The following TBCD variants were observed in gnomAD, a reference collection of about 807,000 sequenced individuals.
TBCD encodes the protein tubulin-specific chaperone D.
In TBCD, 105 loss-of-function variants were observed where a neutral mutation model predicts 169.3. The ratio of observed to expected loss-of-function variants is 0.62; its 90% CI spans 0.53 to 0.73. The LOEUF is 0.73. TBCD is among the 30% of genes least tolerant of loss of function. The pLI, the probability that TBCD is intolerant of heterozygous loss-of-function variation, is 0.00. For synonymous variants in TBCD, 700 were observed against 643.9 expected, an observed-to-expected ratio of 1.09 and a Z score of -1.32; for missense variants, 1,444 against 1,600.1, an observed-to-expected ratio of 0.90 and a Z score of 1.66.
intron 11 of TBCD, among the ~76,000 whole-genome samples, chr17:82,808,617 G>C (rs1327520618): frequency 1.4e-5 from 2 of 142,852 alleles, no homozygotes; most frequent in African/African-American, 2.6e-5. Context: ...GCTGGCAGGT[G>C]CTGGGGGGCA....
At position 82,800,916 on chromosome 17, in the gene TBCD, G is replaced by C. The variant is rs1293251631; in HGVS notation, c.870G>C (p.Gln290His). 8 of 1,612,474 alleles carry C rather than the reference G, an allele frequency of 5.0e-6. No individual in the cohort carries two copies. The highest frequency in any genetic ancestry group is 6.8e-6 in the Non-Finnish European group (8 of 1,179,514). Residue 290 changes from glutamine (Q) to histidine (H), a missense_variant, in exon 9 of 39, where the codon CAG (glutamine) becomes CAC (histidine). By Grantham distance (24) the Gln-to-His change is conservative. Coordinates refer to ENST00000355528, the MANE Select transcript of TBCD (RefSeq NM_005993.5). ...LDGCRLPESN[Q>H]TLLRKLGVKL... ...GCTGCAGACTCCCTGAGAGCAACCA[G>C]ACCCTGCTGCGGAAGCTGGGGGTGA...
chr17:82,859,578 G>A (rs2056596553), intron 13 of TBCD: 1 of 985,330 alleles, frequency 1.0e-6, no homozygotes, highest in South Asian at 4.7e-5. Flanking sequence ...AAGTTGCTCT[G>A]TGGTTTCCGG....
chr17:82,837,339 C>T (rs1267130902), intron 13 of TBCD, among the ~76,000 whole-genome samples: 1 of 152,100 alleles, frequency 6.6e-6, no homozygotes, highest in African/African-American at 2.4e-5. Flanking sequence ...CGACTTTGTA[C>T]TCTGGCAGCT....
chr17:82,891,147 C>T (rs1227400846), intron 16 of TBCD, among the ~76,000 whole-genome samples: 1 of 152,232 alleles, frequency 6.6e-6, no homozygotes, highest in African/African-American at 2.4e-5. Flanking sequence ...AGGAGCAGCC[C>T]AGTCGCATAG....
chr17:82,830,883 A>G (rs762586303), intron 13 of TBCD: 5 of 1,612,786 alleles, frequency 3.1e-6, no homozygotes, highest in Non-Finnish European at 4.2e-6. Context: ...TGAGGCTAGA[A>G]GAAGCCAAGA....
intron 13 of TBCD, among the ~76,000 whole-genome samples, chr17:82,850,147 TG>T (rs2055607886): frequency 1.9e-5 from 2 of 105,750 alleles, no homozygotes; most frequent in South Asian, 3.0e-4. Context: ...GCTGTGCTGT[TG>T]TTGGCTGTGC....
chr17:82,810,470 G>A (rs971494926), intron 12 of TBCD, among the ~76,000 whole-genome samples: 3 of 152,216 alleles, frequency 2.0e-5, no homozygotes, highest in Non-Finnish European at 2.9e-5. Flanking sequence ...AGACAGCCAC[G>A]TGTGCTGTGC....
intron 13 of TBCD, among the ~76,000 whole-genome samples, chr17:82,861,919 T>A (rs1049982689): frequency 6.6e-6 from 1 of 151,794 alleles, no homozygotes; most frequent in East Asian, 1.9e-4. Flanking sequence ...AGGTCTTTTT[T>A]TTTTTTCTTT....
rs545542626 is a variant in TBCD at position 82,921,054 on chromosome 17, A to AGG, written c.2101+438_2101+439dup. ...CCAGAGCACAGTGAAGGGAGCCCCC[A>AGG]GGGCTGTGGTGTCCCGGGGCTGTCT... On this transcript the variant is annotated intron_variant, in intron 24 of 38. Coordinates refer to ENST00000355528, the MANE Select transcript of TBCD (RefSeq NM_005993.5). 475 of 258,080 alleles carry AGG rather than the reference A, an allele frequency of 1.8e-3. 1 individual carries two copies. The highest frequency in any genetic ancestry group is 1.8e-3 in the Non-Finnish European group (239 of 136,008). The allele number at this position is 258,080 out of a possible 1,614,324, so 16.0% of individuals were successfully genotyped here.
intron 7 of TBCD, among the ~76,000 whole-genome samples, chr17:82,784,363 G>A (rs115527994): frequency 3.5e-4 from 54 of 152,218 alleles, no homozygotes; most frequent in African/African-American, 1.3e-3. Flanking sequence ...GGTGCCCCTC[G>A]TTCCGGCCGT....
chr17:82,937,957 C>T (rs760439902), intron 35 of TBCD, 92 bp from the exon 36 acceptor site: 31 of 1,567,660 alleles, frequency 2.0e-5, no homozygotes, highest in Non-Finnish European at 2.6e-5. Context: ...CTGCTCTGCC[C>T]AGGTCTCTGC....
chr17:82,783,026 C>T (rs538665745), intron 7 of TBCD, among the ~76,000 whole-genome samples: 1 of 152,104 alleles, frequency 6.6e-6, no homozygotes, highest in East Asian at 1.9e-4. Context: ...GTGGTATCAT[C>T]TTCCTGCCCG....
rs925544834 is a variant in TBCD, at chr17:82,806,063, T to C, written c.1087+52T>C. On this transcript the variant is annotated intron_variant, in intron 10 of 38. Coordinates refer to ENST00000355528, the MANE Select transcript of TBCD (RefSeq NM_005993.5). The surrounding 1 kb of genome is among the most constrained non-coding windows in gnomAD (Gnocchi z 5.1). ...TGCTCTTGGGCACCGTCGGGCCAAT[T>C]CCCCTCTACTCCAGGACCACACTTC... 3 of 1,591,816 alleles carry C rather than the reference T, an allele frequency of 1.9e-6. No individual in the cohort carries two copies. In the African/African-American group the frequency reaches 4.0e-5, roughly 21 times the overall value.
intron 7 of TBCD, among the ~76,000 whole-genome samples, chr17:82,784,698 G>A (rs745782315): frequency 8.5e-5 from 13 of 152,214 alleles, no homozygotes; most frequent in Non-Finnish European, 1.5e-4. Context: ...TCACCTTAAT[G>A]TTTGTGATGC....
chr17:82,858,719 T>TAGGA (rs2056516913), intron 13 of TBCD: 1 of 932,554 alleles, frequency 1.1e-6, no homozygotes, highest in Non-Finnish European at 1.3e-6. Flanking sequence ...CTGACCCTCC[T>TAGGA]GTGGATGGAA....
At chr17:82,830,479 G>A (rs1355524744) in intron 13 of TBCD, 1 of 1,613,326 alleles carries the variant, frequency 6.2e-7, no homozygotes, top group Admixed American at 1.7e-5. Flanking sequence ...GCCGGGGCCT[G>A]TGGGTGGGGC....
At chr17:82,817,894 G>A (rs781548048) in intron 13 of TBCD, among the ~76,000 whole-genome samples, 15 of 152,148 alleles carry the variant, frequency 9.9e-5, no homozygotes, top group Non-Finnish European at 2.1e-4. Context: ...TTAACGTTTT[G>A]TTCCATCCGA....
At chr17:82,783,737 CGTGTGGGTATTTTCCATATGCCAGT>C (rs1568126972) in intron 7 of TBCD, among the ~76,000 whole-genome samples, 2 of 152,132 alleles carry the variant, frequency 1.3e-5, no homozygotes, top group African/African-American at 2.4e-5. Flanking sequence ...CATATGCCAG[CGTGTGGGTATTTTCCATATGCCAGT>C]GTGTGGGTAT....
At chr17:82,755,101 T>C (rs1210452511) in intron 1 of TBCD, among the ~76,000 whole-genome samples, 2 of 152,234 alleles carry the variant, frequency 1.3e-5, no homozygotes, top group Non-Finnish European at 2.9e-5. Context: ...AGGCGGGACA[T>C]CTTGGGTGGG....
Sources: allele counts gnomAD v4.1 joint callset (sites outside exome capture counted in the v4.1 genomes callset), GRCh38; gene constraint gnomAD v4.1.1; non-coding constraint Gnocchi (gnomAD v3.1); transcripts MANE v1.5; gene names NCBI Gene and HGNC (gene_info 2026-07-23, HGNC 2026-07-21).